The following MTERF4 variants were observed in gnomAD, a reference collection of about 807,000 sequenced individuals.
MTERF4 encodes mitochondrial transcription termination factor 4.
In MTERF4, 17 loss-of-function variants were observed where a neutral mutation model predicts 22.5. The observed-to-expected ratio is 0.75, with a 90% CI of 0.52 to 1.13. The LOEUF (loss-of-function observed/expected upper bound fraction) is 1.13, where lower values mean the gene tolerates loss of function less well. Ranked by LOEUF, MTERF4 falls within the 50% of genes most tolerant of loss-of-function variation. The pLI is 0.00. For missense variants in MTERF4, 420 were observed against 466.8 expected (o/e 0.90, Z 0.92); for synonymous variants, 165 against 175.3 (o/e 0.94, Z 0.47).
At chr2:241,086,482 T>C (rs935223494), downstream of MTERF4, among the ~76,000 whole-genome samples, 1 of 152,192 alleles carries the variant, frequency 6.6e-6, no homozygotes, top group East Asian at 1.9e-4. Flanking sequence ...AAAACTTCTC[T>C]AGGCTGAATT....
At chr2:241,071,513 A>C, downstream of MTERF4, 1 of 1,527,164 alleles carries the variant, frequency 6.5e-7, no homozygotes, top group South Asian at 1.2e-5. Flanking sequence ...CCCATGCCAC[A>C]GGGGCAGGGA....
chr2:241,073,154 C>A lies in MTERF4; in HGVS notation n.3008G>T. On this transcript the variant is annotated non_coding_transcript_exon_variant, in exon 5 of 5. Coordinates refer to the MTERF4 transcript ENST00000464344. The surrounding 1 kb of genome is among the most constrained non-coding windows in gnomAD (Gnocchi z 6.6). ...GGGGCCACGCAGGGAGCCTGGTCCC[C>A]ACCAGGGACATCCGTGCTCCCTGAG... 1 of 759,938 alleles carries A rather than the reference C, an allele frequency of 1.3e-6. No homozygotes were observed. The highest frequency in any genetic ancestry group is 1.8e-5 in the South Asian group (1 of 56,554). The allele number at this position is 759,938 out of a possible 1,614,324, so 47.1% of individuals were successfully genotyped here. A position where few individuals can be genotyped will look rare whatever the true frequency, so the allele number is the denominator to read the frequency against.
rs750767258 is a variant in MTERF4 at position 241,073,239 on chromosome 2, G to A, written n.2923C>T. On this transcript the variant is annotated non_coding_transcript_exon_variant, in exon 5 of 5. Transcript: ENST00000464344. This position sits in a 1 kb window ranked among gnomAD's most constrained non-coding sequence, Gnocchi z 6.6. ...ATCCCGGGTGCAAAGCAGCTGCGCC[G>A]TGTGGTCACCGCCTGGCTTCTCCTA... is the stretch of plus-strand genomic sequence containing the variant. 1.0e-5 allele frequency: 16 copies of A among 1,526,484 alleles called. No homozygotes were observed. Among genetic ancestry groups the A allele is most frequent in the Middle Eastern group, 1.7e-4 (1 of 5,836 alleles). 94.6% of individuals were successfully genotyped at this position (1,526,484 alleles called of 1,614,324 possible).
chr2:241,088,453 G>A, downstream of MTERF4: 1 of 1,477,030 alleles, frequency 6.8e-7, no homozygotes, highest in Non-Finnish European at 9.5e-7. Context: ...TGGGAAGTGG[G>A]GGGCGACTGC....
chr2:241,085,367 C>T (rs868584086), downstream of MTERF4, among the ~76,000 whole-genome samples: 1 of 152,162 alleles, frequency 6.6e-6, no homozygotes, highest in African/African-American at 2.4e-5. Context: ...GCAGCATCTA[C>T]CATTAATCCT....
chr2:241,089,711 A>G (rs114146350), downstream of MTERF4, among the ~76,000 whole-genome samples: 961 of 152,380 alleles, frequency 6.3e-3, 7 homozygotes, highest in African/African-American at 0.016. Flanking sequence ...CCTACAGCCG[A>G]GCATCACTTA....
downstream of MTERF4, chr2:241,067,974 G>T: frequency 1.3e-6 from 2 of 1,589,472 alleles, no homozygotes; most frequent in Non-Finnish European, 1.7e-6. Context: ...AGAGCATGGG[G>T]CTGGGGTGAA....
At chr2:241,084,708 G>A (rs1418005142), downstream of MTERF4, among the ~76,000 whole-genome samples, 2 of 152,072 alleles carry the variant, frequency 1.3e-5, no homozygotes, top group Non-Finnish European at 2.9e-5. Context: ...TCTGCCTGCC[G>A]ACTCCAGCAC....
chr2:241,095,888 A>C lies in MTERF4; in HGVS notation c.*110T>G. The C allele has an allele frequency of 6.6e-7, 1 of 1,510,822 alleles. No homozygotes were observed. Among genetic ancestry groups the C allele is most frequent in the Non-Finnish European group, 8.8e-7 (1 of 1,133,766 alleles). 93.6% of individuals were successfully genotyped at this position (1,510,822 alleles called of 1,614,324 possible). ...TTTTTTTCATCAAGAGACCAGTTTT[A>C]GAATAAAAAATAACTTGAGAAGATT... On this transcript the variant is annotated 3_prime_UTR_variant, in exon 4 of 4. Coordinates refer to ENST00000391980, the MANE Select transcript of MTERF4 (RefSeq NM_182501.4).
chr2:241,099,103 G>C, intron 2 of MTERF4: 1 of 255,044 alleles, frequency 3.9e-6, no homozygotes, highest in Non-Finnish European at 7.4e-6. Flanking sequence ...TTTTGAGACA[G>C]CCTTGCTGTC....
downstream of MTERF4, chr2:241,088,309 G>T: frequency 7.8e-7 from 1 of 1,278,838 alleles, no homozygotes; most frequent in Non-Finnish European, 1.1e-6. Flanking sequence ...GGTAGCTGTA[G>T]AATTCAAGGT....
At chr2:241,089,994 T>C, downstream of MTERF4, 2 of 1,549,204 alleles carry the variant, frequency 1.3e-6, no homozygotes, top group Non-Finnish European at 1.7e-6. Context: ...GCAGGGCGCT[T>C]AGCGTAGCTG....
chr2:241,083,252 G>T (rs145618967), downstream of MTERF4, among the ~76,000 whole-genome samples: 1,154 of 152,302 alleles, frequency 7.6e-3, 15 homozygotes, highest in African/African-American at 0.026. Flanking sequence ...CAGAGCCAGA[G>T]GACAGTTACC....
At chr2:241,076,840 CCAG>C (rs1250326954) in intron 4 of MTERF4, among the ~76,000 whole-genome samples, 1 of 152,168 alleles carries the variant, frequency 6.6e-6, no homozygotes, top group African/African-American at 2.4e-5. Context: ...GCCTGTAATC[CCAG>C]CACTTTGGGA....
At chr2:241,043,168 A>G in the MTERF4 span, among the ~76,000 whole-genome samples, 1 of 152,274 alleles carries the variant, frequency 6.6e-6, no homozygotes, top group African/African-American at 2.4e-5. Flanking sequence ...GATGAAAACT[A>G]AAACCCACAT....
chr2:241,051,778 G>A, the MTERF4 span: 1 of 1,550,154 alleles, frequency 6.5e-7, no homozygotes, highest in Non-Finnish European at 8.7e-7. This position sits in a 1 kb window ranked among gnomAD's most constrained non-coding sequence, Gnocchi z 4.7. Context: ...GGCCCTGCCG[G>A]AACGGGGGCA....
chr2:241,057,380 A>AAAAAAAATATATATATATATAT, the MTERF4 span, among the ~76,000 whole-genome samples: 2 of 118,110 alleles, frequency 1.7e-5, no homozygotes, highest in African/African-American at 7.6e-5. Flanking sequence ...TCCATCTCAA[A>AAAAAAAATATATATATATATAT]ATATATATAT....
At chr2:241,098,044 C>T (rs1036741158) in intron 2 of MTERF4, among the ~76,000 whole-genome samples, 9 of 152,216 alleles carry the variant, frequency 5.9e-5, no homozygotes, top group African/African-American at 2.2e-4. Flanking sequence ...ACCGCACTAA[C>T]TGGTGTAAAC....
chr2:241,064,254 C>T, the MTERF4 span: 11 of 651,458 alleles, frequency 1.7e-5, no homozygotes, highest in Non-Finnish European at 2.3e-5. This position sits in a 1 kb window ranked among gnomAD's most constrained non-coding sequence, Gnocchi z 7.0. Context: ...CTCTGCCCGC[C>T]GCCTTGGAAG....
Sources: allele counts gnomAD v4.1 joint callset (sites outside exome capture counted in the v4.1 genomes callset), GRCh38; gene constraint gnomAD v4.1.1; non-coding constraint Gnocchi (gnomAD v3.1); transcripts MANE v1.5; gene names NCBI Gene and HGNC (gene_info 2026-07-23, HGNC 2026-07-21).